Variants in FMN1 observed in about 807,000 individuals in gnomAD.
FMN1 encodes the protein formin 1, also known as formin-1.
A neutral mutation model predicts 132.4 loss-of-function variants in FMN1; 110 were observed. The ratio of observed to expected loss-of-function variants is 0.83; its 90% confidence interval spans 0.71 to 0.97. The LOEUF (loss-of-function observed/expected upper bound fraction) is 0.97. Ranked by LOEUF, FMN1 falls within the 50% of genes least tolerant of loss-of-function variation. The pLI is 0.00. For synonymous variants in FMN1, 722 were observed against 651.7 expected (o/e 1.11, Z -1.64); for missense variants, 1,792 against 1,705.3 (o/e 1.05, Z -0.90).
chr15:33,088,879 T>C lies in FMN1; in HGVS notation c.1963A>G (p.Arg655Gly). Residue 655 changes from arginine (R) to glycine (G), a missense_variant, in exon 5 of 21, where the codon AGA becomes GGA. Arg to Gly is a moderately radical substitution (Grantham distance 125). Transcript: ENST00000616417. ...RDGGAWVLGY[R>G]AGPACPFLLH... The stretch of plus-strand genomic sequence containing the variant: ...AAAAATGGACAGGCTGGTCCCGCTC[T>C]GTAGCCCAGAACCCACGCGCCTCCA... 1 of 1,536,040 alleles carries C rather than the reference T, an allele frequency of 6.5e-7. No homozygotes were observed.
chr15:33,042,128 T>C (rs2036469054), intron 6 of FMN1, among the ~76,000 whole-genome samples: 2 of 152,124 alleles, frequency 1.3e-5, no homozygotes, highest in Admixed American at 6.5e-5. Context: ...TGCTTTGGTA[T>C]ATAAATAAAA....
chr15:33,103,974 G>A (rs1336267660), intron 4 of FMN1, among the ~76,000 whole-genome samples: 2 of 151,820 alleles, frequency 1.3e-5, no homozygotes, highest in Non-Finnish European at 2.9e-5. Flanking sequence ...CAAGTCAGAA[G>A]AAAAATCAAT....
Position 32,855,157 on chromosome 15 carries a change from TAAAA to T in FMN1, c.3928+1854_3928+1857del, listed in dbSNP as rs750275479. Among the ~76,000 whole-genome samples, 76 of 85,506 alleles carry T rather than the reference TAAAA, an allele frequency of 8.9e-4. 1 individual carries two copies. The highest frequency in any genetic ancestry group is 3.7e-3 in the East Asian group (13 of 3,536). The allele number at this position is 85,506 out of a possible 152,430, so 56.1% of individuals were successfully genotyped here. On this transcript the variant is annotated intron_variant, in intron 17 of 20. Transcript: ENST00000616417. ...TTCCACACTGGAATTACGTGGAGAG[TAAAA>T]AAAAAAAAAAAAAAAAAAAAAGAAA...
chr15:32,918,292 T>C (rs1381313598), intron 10 of FMN1, among the ~76,000 whole-genome samples: 4 of 152,036 alleles, frequency 2.6e-5, no homozygotes, highest in African/African-American at 9.7e-5. Context: ...CAAACAAAAG[T>C]TGCATCCAAA....
chr15:33,051,102 G>A (rs1012757306), intron 6 of FMN1, among the ~76,000 whole-genome samples: 2 of 152,168 alleles, frequency 1.3e-5, no homozygotes, highest in Non-Finnish European at 2.9e-5. Context: ...AGAAGGCAGA[G>A]GGATCGGGGG....
intron 17 of FMN1, among the ~76,000 whole-genome samples, chr15:32,844,740 ACTTGGAACCACTGCTATTCGCAC>A (rs1384154453): frequency 2.0e-5 from 3 of 152,338 alleles, no homozygotes; most frequent in Non-Finnish European, 4.4e-5. Context: ...TGCCACTTGA[ACTTGGAACCACTGCTATTCGCAC>A]CATTGGGTAA....
At chr15:33,066,083 C>T (rs540959429) in intron 5 of FMN1, among the ~76,000 whole-genome samples, 9 of 152,214 alleles carry the variant, frequency 5.9e-5, no homozygotes, top group South Asian at 4.2e-4. Context: ...CTAATCACAC[C>T]ACAAACACAT....
intron 4 of FMN1, among the ~76,000 whole-genome samples, chr15:33,126,268 A>G (rs1046616627): frequency 3.9e-5 from 6 of 152,214 alleles, no homozygotes; most frequent in African/African-American, 1.4e-4. Flanking sequence ...AAGATCAAGG[A>G]AACACCACTG....
intron 3 of FMN1, among the ~76,000 whole-genome samples, chr15:33,163,513 T>G (rs547574876): frequency 1.3e-5 from 2 of 152,096 alleles, no homozygotes; most frequent in South Asian, 4.2e-4. Context: ...AGGCTAGTCT[T>G]GAACTCCTGA....
At chr15:33,082,175 C>T (rs980026597) in intron 5 of FMN1, among the ~76,000 whole-genome samples, 4 of 151,226 alleles carry the variant, frequency 2.6e-5, no homozygotes, top group South Asian at 2.1e-4. Context: ...CCAGTTCAAG[C>T]GATTCTTCTG....
At chr15:32,919,213 C>T (rs1030232894) in intron 10 of FMN1, among the ~76,000 whole-genome samples, 11 of 152,146 alleles carry the variant, frequency 7.2e-5, no homozygotes, top group African/African-American at 2.4e-4. Flanking sequence ...AACTAAACTT[C>T]ACAAAATAAA....
intron 6 of FMN1, among the ~76,000 whole-genome samples, chr15:33,031,403 C>T (rs2035931714): frequency 6.6e-6 from 1 of 152,164 alleles, no homozygotes. Context: ...CTGACTCAGG[C>T]CCAGTCCTCT....
intron 7 of FMN1, among the ~76,000 whole-genome samples, chr15:32,981,297 C>G (rs146996224): frequency 0.011 from 1,615 of 151,872 alleles, 32 homozygotes; most frequent in African/African-American, 0.035. Flanking sequence ...TGAGACCATC[C>G]TGGTTAATAA....
At chr15:33,193,439 G>A (rs1046168493) in intron 2 of FMN1, among the ~76,000 whole-genome samples, 3 of 152,048 alleles carry the variant, frequency 2.0e-5, no homozygotes, top group African/African-American at 7.2e-5. Flanking sequence ...CCGCCCCCCT[G>A]CCAATACACA....
Position 32,769,507 on chromosome 15 carries a change from C to G in FMN1, c.*4803G>C, listed in dbSNP as rs774431714. The G allele has an allele frequency of 1.3e-5, 2 of 152,288 alleles. No individual in the cohort carries two copies. The highest frequency in any genetic ancestry group is 2.9e-5 in the Non-Finnish European group (2 of 68,028). 9.4% of individuals were successfully genotyped at this position (152,288 alleles called of 1,614,324 possible). On this transcript the variant is annotated 3_prime_UTR_variant, in exon 21 of 21. Coordinates refer to ENST00000616417, the MANE Select transcript of FMN1 (RefSeq NM_001277313.2). ...GCCCGGTTATGCCTGGATTCAATTGCTAATGGAGAGATGAATATCATTATG... is the reference window on the plus strand; with the variant it reads ...GCCCGGTTATGCCTGGATTCAATTGGTAATGGAGAGATGAATATCATTATG...
Position 32,774,016 on chromosome 15 carries a change from G to T in FMN1, c.*294C>A. 1 of 394,766 alleles carries T rather than the reference G, an allele frequency of 2.5e-6. No homozygotes were observed. The highest frequency in any genetic ancestry group is 4.5e-6 in the Non-Finnish European group (1 of 223,674). 24.5% of individuals were successfully genotyped at this position (394,766 alleles called of 1,614,324 possible). ...AATCTCAGCTTTTAAAAAAATTTTG[G>T]AAACATTTTGGTATTTCTTCTGCTC... On this transcript the variant is annotated 3_prime_UTR_variant, in exon 21 of 21. Transcript: ENST00000616417.
chr15:32,923,516 G>A (rs1328785596), intron 10 of FMN1, among the ~76,000 whole-genome samples: 2 of 152,216 alleles, frequency 1.3e-5, no homozygotes, highest in African/African-American at 4.8e-5. Flanking sequence ...CTTTGTGGTG[G>A]ATCACAGAGG....
intron 6 of FMN1, among the ~76,000 whole-genome samples, chr15:33,017,242 G>C (rs2035106285): frequency 6.6e-6 from 1 of 152,092 alleles, no homozygotes; most frequent in South Asian, 2.1e-4. Flanking sequence ...TACTATAATA[G>C]TTGATACGGG....
At chr15:32,900,986 T>C (rs1165018379) in intron 13 of FMN1, among the ~76,000 whole-genome samples, 2 of 152,088 alleles carry the variant, frequency 1.3e-5, no homozygotes, top group South Asian at 4.2e-4. Context: ...AAACCCCATC[T>C]CTACTAAAAA....
Sources: gnomAD v4.1 joint callset for allele counts (sites outside exome capture counted in the v4.1 genomes callset) on GRCh38, gnomAD v4.1.1 for gene constraint, MANE v1.5 for transcripts, NCBI Gene and HGNC (gene_info 2026-07-23, HGNC 2026-07-21) for gene names.